Variants in TMEM60 observed in about 807,000 individuals in gnomAD.
TMEM60 encodes chromosome 7 open reading frame 35.
Under a neutral mutation model 10.7 loss-of-function variants are expected in TMEM60, and 4 were observed. The ratio of observed to expected loss-of-function variants is 0.37; its 90% CI spans 0.18 to 0.86. TMEM60 has a LOEUF of 0.86. TMEM60 is among the 40% of genes least tolerant of loss of function. The pLI is 0.43. For missense variants in TMEM60, 128 were observed against 153.4 expected (o/e 0.83, Z 0.88); for synonymous variants, 56 against 58.1 (o/e 0.96, Z 0.17).
intron 1 of TMEM60, among the ~76,000 whole-genome samples, chr7:77,797,538 A>G (rs373712986): frequency 6.6e-6 from 1 of 152,240 alleles, no homozygotes; most frequent in Non-Finnish European, 1.5e-5. Flanking sequence ...GTCTTCATCA[A>G]TTTGAGCAGT....
At chr7:77,796,347 A>G (rs1792167277) in intron 1 of TMEM60, among the ~76,000 whole-genome samples, 1 of 152,218 alleles carries the variant, frequency 6.6e-6, no homozygotes, top group Non-Finnish European at 1.5e-5. Context: ...AGCTTGGGAT[A>G]GCATTTATTA....
chr7:77,796,728 G>A (rs1682796657), intron 1 of TMEM60, among the ~76,000 whole-genome samples: 1 of 152,202 alleles, frequency 6.6e-6, no homozygotes, highest in Admixed American at 6.5e-5. Context: ...ACAAAAGCAT[G>A]CGTGGTAGGA....
chr7:77,794,642 G>A (rs1361076849), intron 1 of TMEM60, among the ~76,000 whole-genome samples: 1 of 152,102 alleles, frequency 6.6e-6, no homozygotes, highest in Non-Finnish European at 1.5e-5. Flanking sequence ...TATATCTACT[G>A]TATAAGCTCT....
chr7:77,795,615 CTT>C (rs1792159927), intron 1 of TMEM60, among the ~76,000 whole-genome samples: 2 of 152,024 alleles, frequency 1.3e-5, no homozygotes, highest in African/African-American at 4.8e-5. Flanking sequence ...TAAATTCTCA[CTT>C]ATTTTCTCAT....
At chr7:77,798,139 G>C (rs2150442646) in intron 1 of TMEM60, 115 bp downstream of exon 1, 1 of 152,810 alleles carries the variant, frequency 6.5e-6, no homozygotes, top group South Asian at 2.1e-4. Context: ...AAGCAGGCGT[G>C]TGCGCGTTTG....
At chr7:77,795,412 C>T (rs958404550) in intron 1 of TMEM60, among the ~76,000 whole-genome samples, 1 of 151,764 alleles carries the variant, frequency 6.6e-6, no homozygotes, top group African/African-American at 2.4e-5. Flanking sequence ...CTGCTACTCG[C>T]GAGGCTGAAG....
intron 1 of TMEM60, 61 bp downstream of exon 1, chr7:77,798,193 G>GGAA (rs1792233526): frequency 6.6e-6 from 1 of 152,410 alleles, no homozygotes; most frequent in African/African-American, 2.4e-5. Flanking sequence ...CACAGCCCAC[G>GGAA]GAAGCATCAG....
chr7:77,798,221 A>G (rs1412338278), intron 1 of TMEM60, 33 bp downstream of exon 1: 3 of 152,366 alleles, frequency 2.0e-5, no homozygotes, highest in Non-Finnish European at 4.4e-5. Flanking sequence ...GCGCCGGCGT[A>G]CGGTGCGGGC....
At chr7:77,795,812 A>C (rs371247101) in intron 1 of TMEM60, among the ~76,000 whole-genome samples, 1 of 152,152 alleles carries the variant, frequency 6.6e-6, no homozygotes, top group African/African-American at 2.4e-5. Flanking sequence ...GCTATTTCTT[A>C]TATCACTATT....
chr7:77,794,322 G>A lies in TMEM60; in HGVS notation c.52C>T (p.Leu18Phe). The change falls in exon 2 of 2, where the codon CTC (leucine) becomes TTC (phenylalanine). Residue 18 changes from leucine (L) to phenylalanine (F), a missense_variant. Physicochemically the swap from Leu to Phe is conservative, Grantham distance 22. Transcript: ENST00000257663. The stretch of plus-strand genomic sequence containing the variant: ...TTCAACACCAACATGATCAAGAAGA[G>A]TAGTGTGAAAAGCCAGGTGAGTAGT... ...RVLLTWLFTL[L>F]FLIMLVLKLD... 1 of 1,607,410 alleles carries A rather than the reference G, an allele frequency of 6.2e-7. No individual in the cohort carries two copies. The highest frequency in any genetic ancestry group is 8.5e-7 in the Non-Finnish European group (1 of 1,177,498).
At chr7:77,794,581 T>G (rs1240687162) in intron 1 of TMEM60, among the ~76,000 whole-genome samples, 158 bp from the exon 2 acceptor site, 1 of 152,192 alleles carries the variant, frequency 6.6e-6, no homozygotes, top group Non-Finnish European at 1.5e-5. Flanking sequence ...TAGTGATCAT[T>G]GACATTATAT....
chr7:77,794,958 C>T (rs1405839401), intron 1 of TMEM60, among the ~76,000 whole-genome samples: 1 of 152,058 alleles, frequency 6.6e-6, no homozygotes, highest in South Asian at 2.1e-4. Flanking sequence ...GAGCTCCAGA[C>T]CAGCCAGGGC....
intron 1 of TMEM60, among the ~76,000 whole-genome samples, 156 bp from the exon 2 acceptor site, chr7:77,794,579 A>G (rs1029192428): frequency 2.6e-5 from 4 of 152,188 alleles, no homozygotes; most frequent in Admixed American, 6.5e-5. Context: ...CTTAGTGATC[A>G]TTGACATTAT....
At chr7:77,795,821 T>C (rs1284798661) in intron 1 of TMEM60, among the ~76,000 whole-genome samples, 1 of 152,246 alleles carries the variant, frequency 6.6e-6, no homozygotes, top group Non-Finnish European at 1.5e-5. Flanking sequence ...TATATCACTA[T>C]TCTGCCTCAT....
At chr7:77,795,269 C>T (rs1792155763) in intron 1 of TMEM60, among the ~76,000 whole-genome samples, 1 of 152,072 alleles carries the variant, frequency 6.6e-6, no homozygotes, top group Non-Finnish European at 1.5e-5. Flanking sequence ...CCCACAGTCC[C>T]AACACTTTGG....
intron 1 of TMEM60, among the ~76,000 whole-genome samples, chr7:77,797,096 C>T (rs1562817956): frequency 6.6e-6 from 1 of 152,108 alleles, no homozygotes. Flanking sequence ...GGATGTGGGA[C>T]TGAATTTGGA....
At chr7:77,797,159 C>T (rs1029838561) in intron 1 of TMEM60, among the ~76,000 whole-genome samples, 1 of 152,088 alleles carries the variant, frequency 6.6e-6, no homozygotes, top group South Asian at 2.1e-4. Context: ...GATTTCATCC[C>T]GTAAATTGCA....
At chr7:77,794,931 A>G (rs1307818520) in intron 1 of TMEM60, among the ~76,000 whole-genome samples, 1 of 152,180 alleles carries the variant, frequency 6.6e-6, no homozygotes, top group Non-Finnish European at 1.5e-5. Flanking sequence ...GAAGGCAGGC[A>G]TATCATTTGA....
At chr7:77,794,494 C>T (rs1792147730) in intron 1 of TMEM60, 71 bp from the exon 2 acceptor site, 1 of 1,037,724 alleles carries the variant, frequency 9.6e-7, no homozygotes. Flanking sequence ...TCCTAATGAA[C>T]AAAACTGGTT....
Sources: gnomAD v4.1 joint callset for allele counts (sites outside exome capture counted in the v4.1 genomes callset) on GRCh38, gnomAD v4.1.1 for gene constraint, MANE v1.5 for transcripts, NCBI Gene and HGNC (gene_info 2026-07-23, HGNC 2026-07-21) for gene names.